Variants in NEBL observed in about 807,000 individuals in gnomAD.
NEBL encodes LIM and SH3 protein 2.
In NEBL, 122 loss-of-function variants were observed where a neutral mutation model predicts 140.2. That is an observed-to-expected ratio of 0.87 (90% CI 0.75 to 1.01). The LOEUF (loss-of-function observed/expected upper bound fraction) is 1.01, where lower values mean the gene tolerates loss of function less well. NEBL is among the 50% of genes least tolerant of loss of function. NEBL has a pLI of 0.00. For synonymous variants in NEBL, 436 were observed against 398.9 expected (o/e 1.09, Z -1.11); for missense variants, 1,365 against 1,231.3 (o/e 1.11, Z -1.62).
intron 4 of NEBL, among the ~76,000 whole-genome samples, chr10:20,885,375 CTAGG>C (rs1846417806): frequency 6.6e-6 from 1 of 152,176 alleles, no homozygotes. Flanking sequence ...TATTCAAAGT[CTAGG>C]TTTTTCTTTA....
chr10:21,210,568 A>C (rs1240763221), intron 3 of NEBL, among the ~76,000 whole-genome samples: 1 of 152,252 alleles, frequency 6.6e-6, no homozygotes, highest in Admixed American at 6.5e-5. Flanking sequence ...ATATTTTTAC[A>C]AACAAAAATT....
At chr10:21,018,806 G>A (rs147564343) in intron 3 of NEBL, among the ~76,000 whole-genome samples, 306 of 152,260 alleles carry the variant, frequency 2.0e-3, no homozygotes, top group African/African-American at 7.1e-3. Flanking sequence ...GAGGCAGGTG[G>A]ATCACAAAGT....
At chr10:20,811,354 G>T (rs1404369026) in intron 24 of NEBL, among the ~76,000 whole-genome samples, 4 of 152,174 alleles carry the variant, frequency 2.6e-5, no homozygotes, top group Non-Finnish European at 1.5e-5. Context: ...CTGGAAGTAA[G>T]CTGTACAGAC....
intron 3 of NEBL, among the ~76,000 whole-genome samples, chr10:21,215,647 TTTTTGTTTTG>T (rs562057318): frequency 6.6e-6 from 1 of 152,114 alleles, no homozygotes; most frequent in Non-Finnish European, 1.5e-5. Flanking sequence ...AGACTAGTTT[TTTTTGTTTTG>T]TTTTGTTTTG....
At chr10:20,972,283 GT>G (rs1311704623) in intron 3 of NEBL, among the ~76,000 whole-genome samples, 2 of 152,142 alleles carry the variant, frequency 1.3e-5, no homozygotes, top group Non-Finnish European at 1.5e-5. Flanking sequence ...GATTGATAAT[GT>G]CATTAAAATT....
At chr10:21,154,232 G>A (rs1182117038) in intron 2 of NEBL, among the ~76,000 whole-genome samples, 1 of 151,994 alleles carries the variant, frequency 6.6e-6, no homozygotes, top group African/African-American at 2.4e-5. Context: ...GCCGAAGCAG[G>A]AAGATCACCT....
At chr10:21,222,289 A>G (rs868081413) in intron 3 of NEBL, among the ~76,000 whole-genome samples, 31 of 151,924 alleles carry the variant, frequency 2.0e-4, no homozygotes, top group African/African-American at 7.0e-4. Context: ...TCTACCAAAA[A>G]AAAAAAAAAG....
intron 3 of NEBL, among the ~76,000 whole-genome samples, chr10:20,988,885 C>A (rs938379748): frequency 4.6e-5 from 7 of 152,190 alleles, no homozygotes; most frequent in Non-Finnish European, 1.0e-4. Context: ...TTGAACCGAC[C>A]CTTCTTGAAT....
intron 3 of NEBL, among the ~76,000 whole-genome samples, chr10:20,996,152 C>G (rs1295896100): frequency 6.6e-6 from 1 of 152,164 alleles, no homozygotes. Context: ...CTAGATGCTT[C>G]TTACAGCAAG....
chr10:20,794,173 C>T (rs1399756035), intron 26 of NEBL, among the ~76,000 whole-genome samples: 1 of 152,200 alleles, frequency 6.6e-6, no homozygotes, highest in Non-Finnish European at 1.5e-5. Context: ...AAGCGGACCC[C>T]ATTTCCTTGG....
intron 3 of NEBL, among the ~76,000 whole-genome samples, chr10:20,986,424 T>C (rs11012462): frequency 6.6e-6 from 1 of 152,048 alleles, no homozygotes; most frequent in African/African-American, 2.4e-5. Flanking sequence ...CCCAAAGTAC[T>C]TTTCAATTAG....
chr10:21,102,731 T>G (rs188255145), intron 2 of NEBL, among the ~76,000 whole-genome samples: 1 of 152,360 alleles, frequency 6.6e-6, no homozygotes, highest in Non-Finnish European at 1.5e-5. Flanking sequence ...AATTCTGGAT[T>G]GTTTGTAGTT....
intron 17 of NEBL, among the ~76,000 whole-genome samples, chr10:20,828,064 A>G (rs900343266): frequency 6.6e-6 from 1 of 151,378 alleles, no homozygotes; most frequent in Admixed American, 6.6e-5. Flanking sequence ...GGTACCCCCA[A>G]ACTTAAAATA....
chr10:20,897,332 C>T, upstream of NEBL: 4 of 1,481,248 alleles, frequency 2.7e-6, no homozygotes, highest in Non-Finnish European at 3.5e-6. Flanking sequence ...AAGCCTCAGC[C>T]CTATTTAGCC....
Position 21,107,916 on chromosome 10 carries a change from A to G in NEBL, c.164+64467T>C, listed in dbSNP as rs894018794. Among the ~76,000 whole-genome samples, 5 of 152,160 alleles carry G rather than the reference A, an allele frequency of 3.3e-5. No homozygotes were observed. In the South Asian group the frequency reaches 1.0e-3, roughly 32 times the overall value. On this transcript the variant is annotated intron_variant, in intron 2 of 6. Transcript: ENST00000417816. ...TCTTGGGAGGGTGTATGTGTCCAGGAATTTATCCATGTCTTCTAGATTTTC... is the reference window on the plus strand; with the variant it reads ...TCTTGGGAGGGTGTATGTGTCCAGGGATTTATCCATGTCTTCTAGATTTTC...
At chr10:20,791,662 T>C (rs956854571) in intron 26 of NEBL, among the ~76,000 whole-genome samples, 5 of 152,088 alleles carry the variant, frequency 3.3e-5, no homozygotes, top group Admixed American at 6.6e-5. Flanking sequence ...CCCAAAGCAC[T>C]GGGATTATGG....
intron 1 of NEBL, among the ~76,000 whole-genome samples, chr10:21,252,202 T>C (rs1177417076): frequency 6.6e-6 from 1 of 152,252 alleles, no homozygotes; most frequent in Non-Finnish European, 1.5e-5. Flanking sequence ...TGGTTTTCAA[T>C]AGTCTTGCTG....
intron 3 of NEBL, among the ~76,000 whole-genome samples, chr10:21,190,753 T>C (rs1333611316): frequency 6.6e-6 from 1 of 152,232 alleles, no homozygotes; most frequent in Non-Finnish European, 1.5e-5. Context: ...TGAAATGTCC[T>C]TGTAGAACAC....
chr10:20,805,910 C>T (rs991648979), intron 26 of NEBL, among the ~76,000 whole-genome samples: 6 of 151,876 alleles, frequency 4.0e-5, no homozygotes, highest in East Asian at 3.9e-4. Flanking sequence ...ACTGAGTCAT[C>T]GCTGCTGTCC....
Sources: allele counts gnomAD v4.1 joint callset (sites outside exome capture counted in the v4.1 genomes callset), GRCh38; gene constraint gnomAD v4.1.1; transcripts MANE v1.5; gene names NCBI Gene and HGNC (gene_info 2026-07-23, HGNC 2026-07-21).